The following NAPRT variants were observed in gnomAD, a reference collection of about 807,000 sequenced individuals.
NAPRT encodes the protein nicotinate phosphoribosyltransferase.
NAPRT carries 66 observed loss-of-function variants against 60.7 expected under a neutral mutation model. The ratio of observed to expected loss-of-function variants is 1.09; its 90% CI spans 0.89 to 1.33. NAPRT has a LOEUF of 1.33. NAPRT is among the 40% of genes most tolerant of loss of function. NAPRT has a pLI of 0.00. For synonymous variants in NAPRT, 405 were observed against 335.7 expected, an observed-to-expected ratio of 1.21 and a Z score of -2.26; for missense variants, 818 against 731.5, an observed-to-expected ratio of 1.12 and a Z score of -1.36.
intron 5 of NAPRT, 37 bp downstream of exon 5, chr8:143,577,025 T>C: frequency 1.3e-6 from 2 of 1,593,966 alleles, no homozygotes; most frequent in Non-Finnish European, 1.7e-6. Context: ...TTGGGGCCTG[T>C]CGCCTGGAGA....
chr8:143,574,816 C>T lies in NAPRT; in HGVS notation c.*22G>A. The T allele has an allele frequency of 1.3e-6, 2 of 1,550,622 alleles. No individual in the cohort carries two copies. The highest frequency in any genetic ancestry group is 1.7e-6 in the Non-Finnish European group (2 of 1,146,920). On this transcript the variant is annotated 3_prime_UTR_variant, in exon 13 of 13. Coordinates refer to ENST00000449291, the MANE Select transcript of NAPRT (RefSeq NM_145201.6). Reference sequence around the variant, plus strand: ...GAAAAGTGAGTGATTCGTGTTGTTTCCAGTCAGCCCCGCTCCGAGTCTCAG... The same window carrying T: ...GAAAAGTGAGTGATTCGTGTTGTTTTCAGTCAGCCCCGCTCCGAGTCTCAG...
Position 143,577,887 on chromosome 8 carries a change from G to A in NAPRT, c.283C>T (p.His95Tyr), listed in dbSNP as rs770710418. ...PPDTDPAFFE[H>Y]LRALDCSEVT... is the part of the protein sequence containing the mutation. ...TCGGAGCAGTCGAGGGCCCGAAGGT[G>A]CTCGAAGAACGCAGGATCCGTGTCT... Residue 95 changes from histidine to tyrosine, a missense_variant, in exon 2 of 13, where the codon CAC (histidine) becomes TAC (tyrosine). By Grantham distance (83) the His-to-Tyr change is moderately conservative (BLOSUM62 2). Coordinates refer to ENST00000449291, the MANE Select transcript of NAPRT (RefSeq NM_145201.6). 4 of 1,612,374 alleles carry A rather than the reference G, an allele frequency of 2.5e-6. No individual in the cohort carries two copies. The highest frequency in any genetic ancestry group is 3.4e-6 in the Non-Finnish European group (4 of 1,179,774).
intron 6 of NAPRT, 24 bp downstream of exon 6, chr8:143,576,622 C>T: frequency 6.2e-7 from 1 of 1,604,966 alleles, no homozygotes; most frequent in South Asian, 1.1e-5. Context: ...CTGCTGAGCC[C>T]ACCCCTAAAG....
At chr8:143,577,499 A>T (rs1323077974) in intron 3 of NAPRT, 100 bp from the exon 4 acceptor site, 3 of 1,467,828 alleles carry the variant, frequency 2.0e-6, no homozygotes, top group South Asian at 1.3e-5. Flanking sequence ...TGGGAGCTCC[A>T]CCCTCACCCA....
chr8:143,574,133 G>A (rs778996344), downstream of NAPRT, among the ~76,000 whole-genome samples: 6 of 152,262 alleles, frequency 3.9e-5, no homozygotes, highest in Non-Finnish European at 7.3e-5. Context: ...TGCTGGTGCA[G>A]AGGCAGGGCC....
chr8:143,575,300 G>T lies in NAPRT; in HGVS notation c.1337C>A (p.Pro446Gln). ...CACCCTCAGCTCCTGCCCAGCCTGT[G>T]GCACTGGCTCTTCTGCTAACTGCAG... ...DMLQLAEEPV[P>Q]QAGQELRVWP... Residue 446 changes from proline to glutamine, a missense_variant, in exon 11 of 13, where the codon CCA (proline) becomes CAA (glutamine). Coordinates refer to ENST00000449291, the MANE Select transcript of NAPRT (RefSeq NM_145201.6). 6.2e-7 allele frequency: 1 copy of T among 1,612,778 alleles called. No homozygotes were observed. Among genetic ancestry groups the T allele is most frequent in the Non-Finnish European group, 8.5e-7 (1 of 1,179,950 alleles).
Position 143,576,484 on chromosome 8 carries a change from G to C in NAPRT, c.970C>G (p.Leu324Val), listed in dbSNP as rs770388670. The stretch of plus-strand genomic sequence containing the variant: ...CGGATCTCCTGAGCCTGCTGTAGCA[G>C]GTCACCACTGTCCAGCCTCACGCCC... ...AVGVRLDSGD[L>V]LQQAQEIRKV... Residue 324 changes from leucine (L) to valine (V), a missense_variant, in exon 7 of 13, where the codon CTG becomes GTG. Physicochemically the swap from Leu to Val is conservative, Grantham distance 32. Transcript: ENST00000449291. 1.2e-6 allele frequency: 2 copies of C among 1,612,486 alleles called. No individual in the cohort carries two copies. Among genetic ancestry groups the C allele is most frequent in the African/African-American group, 2.7e-5 (2 of 74,896 alleles).
Position 143,576,513 on chromosome 8 carries a change from G to T in NAPRT, c.941C>A (p.Ala314Glu). 6.2e-7 allele frequency: 1 copy of T among 1,612,408 alleles called. No homozygotes were observed. The highest frequency in any genetic ancestry group is 8.5e-7 in the Non-Finnish European group (1 of 1,179,778). ...ACCACTGTCCAGCCTCACGCCCACT[G>T]CCCGGTAGCCCAGCTCTCCCAGGGC... ...ALALGELGYR[A>E]VGVRLDSGDL... is the part of the protein sequence containing the mutation. Residue 314 changes from alanine (A) to glutamate (E), a missense_variant, in exon 7 of 13, where the codon GCA becomes GAA. Coordinates refer to ENST00000449291, the MANE Select transcript of NAPRT (RefSeq NM_145201.6).
chr8:143,575,645 G>C lies in NAPRT; in HGVS notation c.1165C>G (p.Pro389Ala), dbSNP rs765166125. ...GTSVVTCPQQ[P>A]SLGGVYKLVA... ...ACCTTATAGACGCCACCCAGGGAAG[G>C]CTGTTGGGGGCAGGTGACCACACTG... Residue 389 changes from proline to alanine, a missense_variant, in exon 9 of 13, where the codon CCT (proline) becomes GCT (alanine). Physicochemically the swap from Pro to Ala is conservative, Grantham distance 27. Coordinates refer to ENST00000449291, the MANE Select transcript of NAPRT (RefSeq NM_145201.6). 6.3e-7 allele frequency: 1 copy of C among 1,595,378 alleles called. No individual in the cohort carries two copies. The highest frequency in any genetic ancestry group is 8.5e-7 in the Non-Finnish European group (1 of 1,171,870).
Position 143,575,328 on chromosome 8 carries a change from T to C in NAPRT, c.1309A>G (p.Met437Val), listed in dbSNP as rs1295068798. ...ACTGGCTCTTCTGCTAACTGCAGCA[T>C]GTCCATGAGTGGAGACCCTGTGTGG... ...LGSDGSPLMD[M>V]LQLAEEPVPQ... Residue 437 changes from methionine to valine, a missense_variant, in exon 11 of 13, where the codon ATG (methionine) becomes GTG (valine). By Grantham distance (21) the Met-to-Val change is conservative (BLOSUM62 1). Coordinates refer to ENST00000449291, the MANE Select transcript of NAPRT (RefSeq NM_145201.6). 1.9e-6 allele frequency: 3 copies of C among 1,612,642 alleles called. No homozygotes were observed. The highest frequency in any genetic ancestry group is 2.2e-5 in the East Asian group (1 of 44,880).
At chr8:143,577,445 G>A (rs767453321) in intron 3 of NAPRT, 46 bp from the exon 4 acceptor site, 7 of 1,571,204 alleles carry the variant, frequency 4.5e-6, no homozygotes, top group Non-Finnish European at 6.0e-6. Context: ...AGGATCACTA[G>A]GCCACCCAAG....
intron 3 of NAPRT, 44 bp downstream of exon 3, chr8:143,577,613 G>C (rs765779431): frequency 5.9e-6 from 9 of 1,530,556 alleles, no homozygotes; most frequent in Middle Eastern, 4.6e-4. Flanking sequence ...GGCGCTGGGG[G>C]CCCATCCCAT....
chr8:143,577,043 GT>G lies in NAPRT; in HGVS notation c.684+18del. 1 of 1,608,846 alleles carries G rather than the reference GT, an allele frequency of 6.2e-7. No individual in the cohort carries two copies. Among genetic ancestry groups the G allele is most frequent in the Non-Finnish European group, 8.5e-7 (1 of 1,176,482 alleles). On this transcript the variant is annotated intron_variant, in intron 5 of 12. Coordinates refer to ENST00000449291, the MANE Select transcript of NAPRT (RefSeq NM_145201.6). ...GGGCCTGTCGCCTGGAGACAGCAGG[GT>G]TTAGAGGAGGGACTGACCGGGTCAG...
chr8:143,576,146 G>A lies in NAPRT; in HGVS notation c.1039C>T (p.Leu347=). The change falls in exon 8 of 13, where the codon CTG becomes TTG. Residue 347 remains leucine (L), a synonymous_variant. Coordinates refer to ENST00000449291, the MANE Select transcript of NAPRT (RefSeq NM_145201.6). ...CTGACTACGATGAGGACTGACTCCA[G>A]CCAGGGCACCTGGAACCTGCCGCGT... ...AAAAQFQVPW[L]ESVLIVVSNN... 6 of 1,601,742 alleles carry A rather than the reference G, an allele frequency of 3.7e-6. No individual in the cohort carries two copies. Among genetic ancestry groups the A allele is most frequent in the African/African-American group, 1.3e-5 (1 of 74,672 alleles).
rs761508529 is a variant in NAPRT, at chr8:143,577,991, C to T, written c.227-48G>A. On this transcript the variant is annotated intron_variant, in intron 1 of 12. Transcript: ENST00000449291. ...GAGACCAGCGCGGGGACAGACCGGTCGTGGGACATGGGGGGTTCCACGGGG... is the reference window on the plus strand; with the variant it reads ...GAGACCAGCGCGGGGACAGACCGGTTGTGGGACATGGGGGGTTCCACGGGG... 6 of 1,574,430 alleles carry T rather than the reference C, an allele frequency of 3.8e-6. No individual in the cohort carries two copies. In the South Asian group the frequency reaches 4.6e-5, roughly 12 times the overall value.
At chr8:143,574,607 A>G, downstream of NAPRT, 1 of 617,830 alleles carries the variant, frequency 1.6e-6, no homozygotes, top group South Asian at 1.9e-5. Flanking sequence ...GGAACTCCTC[A>G]CTGCCCTTCG....
In NAPRT at chr8:143,575,051, C is replaced by T. The variant is rs1392838317; in HGVS notation, c.1489G>A (p.Ala497Thr). The change falls in exon 12 of 13, where the codon GCC (alanine) becomes ACC (threonine). Residue 497 changes from alanine (A) to threonine (T), a missense_variant. Coordinates refer to ENST00000449291, the MANE Select transcript of NAPRT (RefSeq NM_145201.6). ...CTGAGTCGGCTCAGGGACAGCTGGG[C>T]CAAGGCTCTAGACTCTGCCAGGGAT... The part of the protein sequence containing the change: ...LPSLAESRAL[A>T]QLSLSRLSPE... 8 of 1,507,398 alleles carry T rather than the reference C, an allele frequency of 5.3e-6. No individual in the cohort carries two copies. Among genetic ancestry groups the T allele is most frequent in the Non-Finnish European group, 7.1e-6 (8 of 1,123,266 alleles). The allele number at this position is 1,507,398 out of a possible 1,614,324, so 93.4% of individuals were successfully genotyped here. A position where few individuals can be genotyped will look rare whatever the true frequency, so the allele number is the denominator to read the frequency against.
intron 3 of NAPRT, 99 bp downstream of exon 3, chr8:143,577,558 C>A: frequency 6.8e-7 from 1 of 1,479,714 alleles, no homozygotes; most frequent in Non-Finnish European, 9.1e-7. Flanking sequence ...AGTCCTGGGA[C>A]CCCTGGGCAG....
chr8:143,577,194 T>C lies in NAPRT; in HGVS notation c.569-17A>G. 6.2e-7 allele frequency: 1 copy of C among 1,609,538 alleles called. No individual in the cohort carries two copies. Among genetic ancestry groups the C allele is most frequent in the Non-Finnish European group, 8.5e-7 (1 of 1,177,826 alleles). ...TGTCGAAGCCTGGGGAGGAAGGCGG[T>C]GGGATTGGGGGACCTCGGGCCAAGA... is the stretch of plus-strand genomic sequence containing the variant. On this transcript the variant is annotated splice_polypyrimidine_tract_variant and intron_variant, in intron 4 of 12. Coordinates refer to ENST00000449291, the MANE Select transcript of NAPRT (RefSeq NM_145201.6).
Sources: allele counts gnomAD v4.1 joint callset (sites outside exome capture counted in the v4.1 genomes callset), GRCh38; gene constraint gnomAD v4.1.1; transcripts MANE v1.5; gene names NCBI Gene and HGNC (gene_info 2026-07-23, HGNC 2026-07-21).